The following WDR27 variants were observed in gnomAD, a reference collection of about 807,000 sequenced individuals.
WDR27 encodes WD repeat domain 27, also known as WD repeat-containing protein 27.
A neutral mutation model predicts 114.4 loss-of-function variants in WDR27; 100 were observed. That is an observed-to-expected ratio of 0.87 (90% confidence interval 0.74 to 1.03). The LOEUF (loss-of-function observed/expected upper bound fraction) is 1.03. Ranked by LOEUF, WDR27 falls within the 50% of genes least tolerant of loss-of-function variation. The pLI is 0.00. For missense variants in WDR27, 1,129 were observed against 1,092.9 expected (o/e 1.03, Z -0.47); for synonymous variants, 449 against 423.1 (o/e 1.06, Z -0.75).
In WDR27 at chr6:169,514,488, G is replaced by GTA. The variant is rs533025377; in HGVS notation, c.2646-56856_2646-56855dup. Among the ~76,000 whole-genome samples the GTA allele has an allele frequency of 1.7e-3, 254 of 146,148 alleles. 3 individuals are homozygous for GTA. The highest frequency in any genetic ancestry group is 5.8e-3 in the African/African-American group (235 of 40,248). On this transcript the variant is annotated intron_variant, in intron 25 of 25. Coordinates refer to ENST00000448612, the MANE Select transcript of WDR27 (RefSeq NM_182552.5). ...TGTATATACACATACAAATATATAT[G>GTA]TATATATATAATATGTATTTTTTCC...
intron 22 of WDR27, among the ~76,000 whole-genome samples, chr6:169,603,030 C>T (rs138300987): frequency 0.045 from 6,857 of 151,940 alleles, 439 homozygotes; most frequent in African/African-American, 0.14. Context: ...TTAGGAGAGA[C>T]GTGGTTTCAC....
rs541576542 is a variant in WDR27 at position 169,599,986 on chromosome 6, A to G, written c.2424+2233T>C. On this transcript the variant is annotated intron_variant, in intron 23 of 25. Transcript: ENST00000448612. The stretch of plus-strand genomic sequence containing the variant: ...GTCTTTGTTCTCGTTGGTTTCAAAG[A>G]ACATCTTTATTTCTGCCTTCATTTC... Among the ~76,000 whole-genome samples the G allele has an allele frequency of 1.7e-4, 26 of 152,150 alleles. No homozygotes were observed. The East Asian group carries it at 5.0e-3, about 29-fold the overall frequency.
intron 25 of WDR27, among the ~76,000 whole-genome samples, chr6:169,557,809 G>C (rs754755154): frequency 3.9e-5 from 6 of 152,030 alleles, no homozygotes; most frequent in Non-Finnish European, 7.4e-5. Flanking sequence ...TTAAAAACTT[G>C]CATTCCCCTC....
intron 25 of WDR27, among the ~76,000 whole-genome samples, chr6:169,461,461 T>C (rs1784893717): frequency 6.6e-6 from 1 of 152,058 alleles, no homozygotes; most frequent in Non-Finnish European, 1.5e-5. Flanking sequence ...TAATATAAGT[T>C]AAACCTGAAA....
chr6:169,650,421 C>G (rs1302672954), intron 14 of WDR27, among the ~76,000 whole-genome samples: 2 of 146,788 alleles, frequency 1.4e-5, no homozygotes, highest in African/African-American at 5.1e-5. Context: ...TCTATCCACC[C>G]ACTCATCCAC....
chr6:169,656,084 C>T (rs1824106320), intron 13 of WDR27, among the ~76,000 whole-genome samples: 1 of 152,024 alleles, frequency 6.6e-6, no homozygotes. Context: ...AGCCCCCTAC[C>T]CTCAGTCAGG....
At chr6:169,698,247 C>T (rs1786788656) in intron 1 of WDR27, among the ~76,000 whole-genome samples, 1 of 97,936 alleles carries the variant, frequency 1.0e-5, no homozygotes, top group African/African-American at 3.6e-5. Context: ...GCTTCAATGC[C>T]TACCTCTGCC....
intron 23 of WDR27, among the ~76,000 whole-genome samples, chr6:169,592,126 C>T (rs1805857772): frequency 6.6e-6 from 1 of 152,068 alleles, no homozygotes; most frequent in South Asian, 2.1e-4. Context: ...GCTGACAGGG[C>T]AAGTTCTCCT....
At chr6:169,652,109 C>G (rs1446174465) in intron 13 of WDR27, 101 bp from the exon 14 acceptor site, 1 of 1,008,350 alleles carries the variant, frequency 9.9e-7, no homozygotes, top group African/African-American at 1.6e-5. Flanking sequence ...AACATTCACA[C>G]AAACAGAATG....
At chr6:169,695,868 A>G (rs1785790978) in intron 1 of WDR27, among the ~76,000 whole-genome samples, 1 of 152,212 alleles carries the variant, frequency 6.6e-6, no homozygotes, top group Non-Finnish European at 1.5e-5. Context: ...GCACTGTGAG[A>G]AGGACTCAAC....
chr6:169,479,866 A>G (rs1787712967), intron 25 of WDR27, among the ~76,000 whole-genome samples: 1 of 152,172 alleles, frequency 6.6e-6, no homozygotes, highest in Non-Finnish European at 1.5e-5. Context: ...CCTCCTTCTG[A>G]GAGGTGACAA....
chr6:169,598,409 G>A (rs1807261546), intron 23 of WDR27, among the ~76,000 whole-genome samples: 2 of 152,180 alleles, frequency 1.3e-5, no homozygotes, highest in Non-Finnish European at 2.9e-5. Flanking sequence ...AGGTGAAAGG[G>A]CCTAGAGGCA....
At chr6:169,628,029 T>A (rs1815295401) in intron 21 of WDR27, among the ~76,000 whole-genome samples, 1 of 152,080 alleles carries the variant, frequency 6.6e-6, no homozygotes, top group Non-Finnish European at 1.5e-5. Flanking sequence ...GGTCTGGAAG[T>A]TGCTCTCCCC....
intron 25 of WDR27, among the ~76,000 whole-genome samples, chr6:169,526,503 C>T (rs111872296): frequency 6.6e-6 from 1 of 152,088 alleles, no homozygotes; most frequent in African/African-American, 2.4e-5. Context: ...GTCCCAGCTA[C>T]TCGGGAGGCT....
intron 1 of WDR27, among the ~76,000 whole-genome samples, chr6:169,697,730 C>A (rs1325887768): frequency 6.6e-6 from 1 of 152,202 alleles, no homozygotes; most frequent in East Asian, 1.9e-4. Flanking sequence ...CAGGGAAGGG[C>A]CCCCTGTCCA....
chr6:169,633,762 A>C (rs1817015994), intron 20 of WDR27, among the ~76,000 whole-genome samples: 1 of 152,212 alleles, frequency 6.6e-6, no homozygotes, highest in South Asian at 2.1e-4. Flanking sequence ...CCATCATTTA[A>C]GCTAGAATAA....
In WDR27 at chr6:169,634,516, CTGTTTA is replaced by C. The variant is rs1358634482; in HGVS notation, c.2007_2012del (p.Tyr669_Gln671delinsTer). The C allele has an allele frequency of 1.9e-6, 3 of 1,608,618 alleles. No individual in the cohort carries two copies. Among genetic ancestry groups the C allele is most frequent in the Non-Finnish European group, 2.5e-6 (3 of 1,177,186 alleles). ...TGCAAATCAGCTTGGACTTGCTCTT[CTGTTTA>C]TATCTGGAAGAGAAAATCAAGATGA... On this transcript the variant is annotated stop_gained and inframe_deletion, in exon 20 of 26. Coordinates refer to ENST00000448612, the MANE Select transcript of WDR27 (RefSeq NM_182552.5). LOFTEE classifies it high-confidence loss of function.
At chr6:169,445,119 A>C in the WDR27 span, among the ~76,000 whole-genome samples, 1 of 152,248 alleles carries the variant, frequency 6.6e-6, no homozygotes, top group African/African-American at 2.4e-5. Context: ...CACTGAGCTA[A>C]GTAAAAATAC....
chr6:169,687,113 T>C (rs923957267), intron 2 of WDR27, among the ~76,000 whole-genome samples: 1 of 152,092 alleles, frequency 6.6e-6, no homozygotes, highest in Non-Finnish European at 1.5e-5. Context: ...TATTATATAA[T>C]TCAAAATAGC....
Sources: gnomAD v4.1 joint callset for allele counts (sites outside exome capture counted in the v4.1 genomes callset) on GRCh38, gnomAD v4.1.1 for gene constraint, MANE v1.5 for transcripts, NCBI Gene and HGNC (gene_info 2026-07-23, HGNC 2026-07-21) for gene names.